The following MKX variants were observed in gnomAD, a reference collection of about 807,000 sequenced individuals.
MKX encodes mohawk homeobox.
A neutral mutation model predicts 36.0 loss-of-function variants in MKX; 13 were observed. The observed-to-expected ratio is 0.36, with a 90% confidence interval of 0.24 to 0.57. The LOEUF (loss-of-function observed/expected upper bound fraction) is 0.57, where lower values mean the gene tolerates loss of function less well. Among genes scored for constraint, MKX ranks in the 20% least tolerant of loss-of-function variants. The probability of loss-of-function intolerance (pLI) is 0.79; values close to 1 mark genes in which losing one functional copy is unlikely to be tolerated. For synonymous variants in MKX, 176 were observed against 178.3 expected (o/e 0.99, Z 0.10); for missense variants, 458 against 456.4 (o/e 1.00, Z -0.03).
chr10:27,696,967 T>A (rs903783706), intron 5 of MKX, among the ~76,000 whole-genome samples: 1 of 152,244 alleles, frequency 6.6e-6, no homozygotes, highest in Non-Finnish European at 1.5e-5. Flanking sequence ...GTTATACCCA[T>A]CCTTTTCACA....
intron 5 of MKX, among the ~76,000 whole-genome samples, chr10:27,717,117 C>T (rs1836980036): frequency 6.6e-6 from 1 of 152,098 alleles, no homozygotes; most frequent in Non-Finnish European, 1.5e-5. Context: ...AAATGTGGGT[C>T]TCAGTCCTAT....
At chr10:27,708,497 C>T (rs937440265) in intron 5 of MKX, among the ~76,000 whole-genome samples, 6 of 151,908 alleles carry the variant, frequency 3.9e-5, no homozygotes, top group African/African-American at 9.7e-5. Flanking sequence ...TTTGGGAGGC[C>T]GAGGTGGGCA....
In MKX at chr10:27,741,499, C is replaced by G. The variant is rs759761508; in HGVS notation, c.194G>C (p.Arg65Pro). Residue 65 changes from arginine (R) to proline (P), a missense_variant, in exon 3 of 7, where the codon CGG (arginine) becomes CCG (proline). Arg to Pro is a moderately radical substitution (Grantham distance 103, BLOSUM62 -2). Around this residue, in one of 3 missense-constraint regions of MKX, gnomAD observed 149 missense variants for 114.3 expected, o/e 1.30. Coordinates refer to ENST00000419761, the MANE Select transcript of MKX (RefSeq NM_173576.3). The surrounding 1 kb of genome is among the most constrained non-coding windows in gnomAD (Gnocchi z 5.1). Reference sequence around the variant, plus strand: ...GTGCCTCACCTTCCCGCCATTCTGCCGGGCGCTGGGACATGGGGAGAGGAG... The same window carrying G: ...GTGCCTCACCTTCCCGCCATTCTGCGGGGCGCTGGGACATGGGGAGAGGAG... ...LGLRHRRTGA[R>P]QNGGKVRHKR... 17 of 1,590,276 alleles carry G rather than the reference C, an allele frequency of 1.1e-5. No homozygotes were observed. In the African/African-American group the frequency reaches 2.0e-4, roughly 19 times the overall value.
chr10:27,682,874 G>A (rs1433045672), intron 5 of MKX, among the ~76,000 whole-genome samples: 2 of 152,000 alleles, frequency 1.3e-5, no homozygotes, highest in African/African-American at 4.8e-5. Flanking sequence ...AGCTACTTGG[G>A]AGGCTGAGGC....
At chr10:27,700,550 C>T (rs1182583068) in intron 5 of MKX, among the ~76,000 whole-genome samples, 1 of 152,108 alleles carries the variant, frequency 6.6e-6, no homozygotes, top group Non-Finnish European at 1.5e-5. Context: ...GAGCCTGTTC[C>T]TCATTACCCA....
At chr10:27,703,186 G>C (rs2815575) in intron 5 of MKX, among the ~76,000 whole-genome samples, 122,088 of 152,142 alleles carry the variant, frequency 0.8, 49,054 homozygotes, top group Admixed American at 0.84. Flanking sequence ...TTCTCTGTAG[G>C]AGGAAAAAGG....
chr10:27,686,025 C>A (rs534379917), intron 5 of MKX, among the ~76,000 whole-genome samples: 2 of 152,284 alleles, frequency 1.3e-5, no homozygotes, highest in South Asian at 4.1e-4. Context: ...ACCAGTCCCA[C>A]TGACCAAAGT....
chr10:27,675,128 GT>G lies in MKX; in HGVS notation c.*100del. ...TTGGGATAATTAAAAATAAGAAGAGGTTTGGGAGAGAGTCATTTTCATCCCT... is the reference window on the plus strand; with the variant it reads ...TTGGGATAATTAAAAATAAGAAGAGGTTGGGAGAGAGTCATTTTCATCCCT... On this transcript the variant is annotated 3_prime_UTR_variant, in exon 7 of 7. Transcript: ENST00000419761. The G allele has an allele frequency of 1.8e-6, 2 of 1,114,120 alleles. No homozygotes were observed. Among genetic ancestry groups the G allele is most frequent in the African/African-American group, 1.6e-5 (1 of 64,288 alleles). The allele number at this position is 1,114,120 out of a possible 1,614,324, so 69.0% of individuals were successfully genotyped here. A position where few individuals can be genotyped will look rare whatever the true frequency, so the allele number is the denominator to read the frequency against.
At chr10:27,700,247 G>A (rs1025970980) in intron 5 of MKX, among the ~76,000 whole-genome samples, 1 of 152,202 alleles carries the variant, frequency 6.6e-6, no homozygotes, top group African/African-American at 2.4e-5. Flanking sequence ...CCTAAAGCAG[G>A]CAGTTTCAGG....
At chr10:27,682,992 A>AAAAAGAAAAG (rs199711837) in intron 5 of MKX, among the ~76,000 whole-genome samples, 1 of 151,862 alleles carries the variant, frequency 6.6e-6, no homozygotes, top group Non-Finnish European at 1.5e-5. Flanking sequence ...TCGAAAAAAA[A>AAAAAGAAAAG]AAAAGAAAAG....
In MKX at chr10:27,674,475, C is replaced by T. The variant is rs575087357; in HGVS notation, c.*754G>A. 86 of 152,180 alleles carry T rather than the reference C, an allele frequency of 5.7e-4. No individual in the cohort carries two copies. The highest frequency in any genetic ancestry group is 2.0e-3 in the African/African-American group (82 of 41,402). The allele number at this position is 152,180 out of a possible 1,614,324, so 9.4% of individuals were successfully genotyped here. A position where few individuals can be genotyped will look rare whatever the true frequency, so the allele number is the denominator to read the frequency against. On this transcript the variant is annotated 3_prime_UTR_variant, in exon 7 of 7. Transcript: ENST00000419761. Reference sequence around the variant, plus strand: ...TTGTATAATAAAGTTTTTTTTTAAACTTCAGCAGAACTTGAGAAACAAATC... The same window carrying T: ...TTGTATAATAAAGTTTTTTTTTAAATTTCAGCAGAACTTGAGAAACAAATC...
In MKX at chr10:27,743,229, C is replaced by T. The variant is rs752451418; in HGVS notation, c.187G>A (p.Gly63Ser). ...GGGCCCCCAGGGGAGTGCGCATACC[C>T]GGTCCTCCGGTGTCTCAGGCCGAGG... ...DNLGLRHRRT[G>S]ARQNGGKVRH... Residue 63 changes from glycine (G) to serine (S), a missense_variant and splice_region_variant, in exon 2 of 7, where the codon GGC (glycine) becomes AGC (serine). Coordinates refer to ENST00000419761, the MANE Select transcript of MKX (RefSeq NM_173576.3). 6 of 1,502,164 alleles carry T rather than the reference C, an allele frequency of 4.0e-6. No homozygotes were observed. The highest frequency in any genetic ancestry group is 5.3e-6 in the Non-Finnish European group (6 of 1,132,162). 93.1% of individuals were successfully genotyped at this position (1,502,164 alleles called of 1,614,324 possible). A position where few individuals can be genotyped will look rare whatever the true frequency, so the allele number is the denominator to read the frequency against.
At chr10:27,732,607 C>T (rs762133286) in intron 5 of MKX, among the ~76,000 whole-genome samples, 1 of 151,952 alleles carries the variant, frequency 6.6e-6, no homozygotes, top group Non-Finnish European at 1.5e-5. Flanking sequence ...TCCCATTTGA[C>T]CTTTTTTTAT....
chr10:27,726,322 T>C (rs1424842383), intron 5 of MKX, among the ~76,000 whole-genome samples: 1 of 152,180 alleles, frequency 6.6e-6, no homozygotes, highest in Non-Finnish European at 1.5e-5. Flanking sequence ...AAAATAGTCA[T>C]TCTTAAAAAG....
intron 4 of MKX, 102 bp from the exon 5 acceptor site, chr10:27,734,893 TAAAGTATATAAAA>T: frequency 3.0e-6 from 2 of 666,094 alleles, no homozygotes; most frequent in Non-Finnish European, 4.5e-6. Context: ...GAAATATATT[TAAAGTATATAAAA>T]TTATCTTTGA....
At chr10:27,712,337 G>A (rs1325558579) in intron 5 of MKX, among the ~76,000 whole-genome samples, 7 of 152,148 alleles carry the variant, frequency 4.6e-5, no homozygotes, top group African/African-American at 1.4e-4. Flanking sequence ...TGTCCCAAAC[G>A]CCTTATAAGG....
At chr10:27,679,828 T>C (rs749737469) in intron 5 of MKX, among the ~76,000 whole-genome samples, 1 of 152,114 alleles carries the variant, frequency 6.6e-6, no homozygotes, top group South Asian at 2.1e-4. Flanking sequence ...TTTTTTCTTA[T>C]GCTCTTTCCC....
intron 5 of MKX, among the ~76,000 whole-genome samples, chr10:27,681,293 C>T (rs1429605197): frequency 6.6e-6 from 1 of 151,732 alleles, no homozygotes; most frequent in Admixed American, 6.6e-5. Context: ...CTAAAAAATA[C>T]AAAAAATTAG....
intron 3 of MKX, among the ~76,000 whole-genome samples, chr10:27,739,699 T>G (rs1014938804): frequency 6.6e-6 from 1 of 152,178 alleles, no homozygotes; most frequent in African/African-American, 2.4e-5. Context: ...TCCTAAAATA[T>G]GTCATCAATG....
Sources: allele counts gnomAD v4.1 joint callset (sites outside exome capture counted in the v4.1 genomes callset), GRCh38; gene constraint gnomAD v4.1.1; regional missense constraint gnomAD v4.1.1; non-coding constraint Gnocchi (gnomAD v3.1); transcripts MANE v1.5; gene names NCBI Gene and HGNC (gene_info 2026-07-23, HGNC 2026-07-21).